WWTR1: variants seen among roughly 807,000 people sequenced by gnomAD.
The protein encoded by WWTR1 is WW domain-containing transcription regulator protein 1.
A neutral mutation model predicts 40.1 loss-of-function variants in WWTR1; 13 were observed. The observed-to-expected ratio is 0.32, with a 90% CI of 0.21 to 0.52. WWTR1 has a LOEUF of 0.52. WWTR1 is among the 20% of genes least tolerant of loss of function. The probability of loss-of-function intolerance (pLI) is 0.97; values close to 1 mark genes in which losing one functional copy is unlikely to be tolerated. For synonymous variants in WWTR1, 230 were observed against 210.1 expected (o/e 1.09, Z -0.82); for missense variants, 436 against 523.1 (o/e 0.83, Z 1.63).
At chr3:149,526,186 AAC>A (rs1735299388) in intron 5 of WWTR1, 61 bp from the exon 6 acceptor site, 3 of 1,327,884 alleles carry the variant, frequency 2.3e-6, no homozygotes. Context: ...TCAAAATTAA[AAC>A]ACAGTCACAA....
At chr3:149,564,476 T>C (rs141714923) in intron 3 of WWTR1, among the ~76,000 whole-genome samples, 1 of 147,812 alleles carries the variant, frequency 6.8e-6, no homozygotes, top group East Asian at 2.2e-4. Flanking sequence ...TTCTCCCCTG[T>C]TGTTCTCACT....
At chr3:149,522,157 T>G (rs934668384) in intron 6 of WWTR1, among the ~76,000 whole-genome samples, 3 of 152,218 alleles carry the variant, frequency 2.0e-5, no homozygotes, top group Non-Finnish European at 4.4e-5. Context: ...AAGGCCAGCT[T>G]CCACCATAAC....
chr3:149,529,083 T>C (rs1045141401), intron 4 of WWTR1, among the ~76,000 whole-genome samples: 1 of 152,204 alleles, frequency 6.6e-6, no homozygotes, highest in Non-Finnish European at 1.5e-5. Context: ...TTTGCTGATG[T>C]TTCCAGAGAA....
intron 3 of WWTR1, among the ~76,000 whole-genome samples, chr3:149,543,094 T>C (rs1736196807): frequency 6.6e-6 from 1 of 152,244 alleles, no homozygotes; most frequent in African/African-American, 2.4e-5. Flanking sequence ...GCCTGAGCTA[T>C]GAGCTAAACT....
rs189715877 is a variant in WWTR1 at position 149,668,438 on chromosome 3, C to T, written c.-4+1350G>A. 7.7e-3 allele frequency among the ~76,000 whole-genome samples: 1,165 copies of T among 152,014 alleles called. 10 individuals are homozygous for T. Among genetic ancestry groups the T allele is most frequent in the Admixed American group, 0.014 (210 of 15,264 alleles). On this transcript the variant is annotated intron_variant, in intron 2 of 7. Coordinates refer to the WWTR1 transcript ENST00000465804. Reference sequence around the variant, plus strand: ...CCTGGCCGACATGGTGAAACCCCGTCTCTACTAAAAATACAAAAAATTAGC... The same window carrying T: ...CCTGGCCGACATGGTGAAACCCCGTTTCTACTAAAAATACAAAAAATTAGC...
chr3:149,677,436 C>T (rs950971047), intron 1 of WWTR1, among the ~76,000 whole-genome samples: 1 of 152,186 alleles, frequency 6.6e-6, no homozygotes, highest in Non-Finnish European at 1.5e-5. Flanking sequence ...CAAACTCATC[C>T]ATTCCCATGA....
chr3:149,575,296 T>C (rs1737832869), intron 2 of WWTR1, among the ~76,000 whole-genome samples: 1 of 152,160 alleles, frequency 6.6e-6, no homozygotes, highest in Admixed American at 6.6e-5. Context: ...TCACAGGCCT[T>C]CCAAGTGAGG....
rs544280748 is a variant in WWTR1 at position 149,567,722 on chromosome 3, CTAAA to C, written c.568+5138_568+5141del. Among the ~76,000 whole-genome samples, 13 of 152,286 alleles carry C rather than the reference CTAAA, an allele frequency of 8.5e-5. No individual in the cohort carries two copies. The South Asian group carries it at 2.7e-3, about 32-fold the overall frequency. Reference sequence around the variant, plus strand: ...CATCAGGTACCAAGACATGGACTACCTAAATACTCAAAACAACGTTATCAGATAG... The same window carrying C: ...CATCAGGTACCAAGACATGGACTACCTACTCAAAACAACGTTATCAGATAG... On this transcript the variant is annotated intron_variant, in intron 3 of 6. Coordinates refer to ENST00000360632, the MANE Select transcript of WWTR1 (RefSeq NM_015472.6).
intron 2 of WWTR1, among the ~76,000 whole-genome samples, chr3:149,580,082 C>T (rs1283449235): frequency 6.6e-6 from 1 of 152,154 alleles, no homozygotes; most frequent in African/African-American, 2.4e-5. Context: ...AATTAGAATA[C>T]AAGTATGCAA....
chr3:149,564,487 CTT>C (rs11311722), intron 3 of WWTR1, among the ~76,000 whole-genome samples: 162 of 143,430 alleles, frequency 1.1e-3, no homozygotes, highest in Middle Eastern at 0.011. Context: ...TGTTCTCACT[CTT>C]TTTTTTTTTT....
chr3:149,559,751 G>A (rs1310867378), intron 3 of WWTR1, among the ~76,000 whole-genome samples: 1 of 152,216 alleles, frequency 6.6e-6, no homozygotes, highest in Admixed American at 6.5e-5. Flanking sequence ...TTTGATAACT[G>A]ATTGGAATTT....
chr3:149,652,404 T>C (rs897037572), intron 2 of WWTR1, among the ~76,000 whole-genome samples: 21 of 151,638 alleles, frequency 1.4e-4, no homozygotes, highest in African/African-American at 4.6e-4. Flanking sequence ...GGAGGATTGC[T>C]TGAGGCCAGG....
At chr3:149,618,414 G>A (rs192941696) in intron 2 of WWTR1, among the ~76,000 whole-genome samples, 6 of 152,270 alleles carry the variant, frequency 3.9e-5, no homozygotes, top group East Asian at 1.9e-4. Flanking sequence ...TGGTGCCAGC[G>A]ATACAACATG....
rs1734831973 is a variant in WWTR1 at position 149,517,318 on chromosome 3, C to G, written c.*3487G>C. 1 of 152,136 alleles carries G rather than the reference C, an allele frequency of 6.6e-6. No homozygotes were observed. The highest frequency in any genetic ancestry group is 2.1e-4 in the South Asian group (1 of 4,824). The allele number at this position is 152,136 out of a possible 1,614,324, so 9.4% of individuals were successfully genotyped here. ...CAAACTCCAGGTAAAATGGTTTGATCTGATCGATTTGGCTGCATACTTTCG... is the reference window on the plus strand; with the variant it reads ...CAAACTCCAGGTAAAATGGTTTGATGTGATCGATTTGGCTGCATACTTTCG... On this transcript the variant is annotated 3_prime_UTR_variant, in exon 7 of 7. Transcript: ENST00000360632.
At chr3:149,717,878 T>C (rs1168757971) in intron 4 of WWTR1, among the ~76,000 whole-genome samples, 6 of 152,138 alleles carry the variant, frequency 3.9e-5, no homozygotes, top group Admixed American at 2.6e-4. Context: ...AAGTAGTAAA[T>C]ACTTGTGAGT....
intron 4 of WWTR1, among the ~76,000 whole-genome samples, chr3:149,535,886 A>T (rs1163184786): frequency 3.3e-5 from 5 of 152,020 alleles, no homozygotes; most frequent in Non-Finnish European, 1.5e-5. Context: ...GATGATGCGC[A>T]CCTGTAATCC....
chr3:149,590,007 T>A (rs1363051461), intron 2 of WWTR1, among the ~76,000 whole-genome samples: 1 of 152,190 alleles, frequency 6.6e-6, no homozygotes, highest in Non-Finnish European at 1.5e-5. Context: ...ATTAAACAAA[T>A]TAAGTCATTC....
At chr3:149,631,399 G>T (rs574236850) in intron 2 of WWTR1, among the ~76,000 whole-genome samples, 28 of 152,248 alleles carry the variant, frequency 1.8e-4, no homozygotes, top group African/African-American at 6.7e-4. Flanking sequence ...AGCAAAATCA[G>T]TTCTGAAACA....
chr3:149,572,309 A>C (rs551804298), intron 3 of WWTR1, among the ~76,000 whole-genome samples: 3 of 152,156 alleles, frequency 2.0e-5, no homozygotes, highest in Admixed American at 6.5e-5. Context: ...AAAGGAAAAA[A>C]GGGAAATAAG....
Sources: allele counts gnomAD v4.1 joint callset (sites outside exome capture counted in the v4.1 genomes callset), GRCh38; gene constraint gnomAD v4.1.1; transcripts MANE v1.5; gene names NCBI Gene and HGNC (gene_info 2026-07-23, HGNC 2026-07-21).